Variants in NPAS3 observed in about 807,000 individuals in gnomAD.
The protein encoded by NPAS3 is neuronal PAS domain-containing protein 3.
Under a neutral mutation model 73.1 loss-of-function variants are expected in NPAS3, and 14 were observed. The ratio of observed to expected loss-of-function variants is 0.19; its 90% confidence interval spans 0.13 to 0.30. NPAS3 has a LOEUF of 0.30. Among genes scored for constraint, NPAS3 ranks in the 10% least tolerant of loss-of-function variants. NPAS3 has a pLI of 1.00. For synonymous variants in NPAS3, 620 were observed against 541.5 expected, an observed-to-expected ratio of 1.14 and a Z score of -2.01; for missense variants, 1,096 against 1,250.0, an observed-to-expected ratio of 0.88 and a Z score of 1.86.
At chr14:33,542,551 C>T (rs1432900457) in intron 4 of NPAS3, among the ~76,000 whole-genome samples, 1 of 152,096 alleles carries the variant, frequency 6.6e-6, no homozygotes, top group Non-Finnish European at 1.5e-5. Flanking sequence ...TTTCAGTTCC[C>T]TTTTGAGCCC....
chr14:33,281,164 C>T (rs570686109), intron 3 of NPAS3, among the ~76,000 whole-genome samples: 15 of 152,114 alleles, frequency 9.9e-5, no homozygotes, highest in Non-Finnish European at 1.0e-4. Flanking sequence ...TTCTACACTA[C>T]GTAGGACCTT....
At chr14:32,944,186 C>T (rs2036154959) in intron 1 of NPAS3, among the ~76,000 whole-genome samples, 1 of 152,184 alleles carries the variant, frequency 6.6e-6, no homozygotes, top group Non-Finnish European at 1.5e-5. Context: ...AATTAACACT[C>T]ATGAAAGCAG....
At chr14:33,495,149 G>T (rs146829309) in intron 4 of NPAS3, among the ~76,000 whole-genome samples, 1 of 152,100 alleles carries the variant, frequency 6.6e-6, no homozygotes, top group Admixed American at 6.6e-5. Flanking sequence ...TGCTTTAGCT[G>T]TATCCCAGAG....
chr14:33,201,315 G>GTGTGTGTGTGTGTGTGTGTGTGTT (rs2046607635), intron 2 of NPAS3, among the ~76,000 whole-genome samples: 1 of 152,112 alleles, frequency 6.6e-6, no homozygotes, highest in Non-Finnish European at 1.5e-5. Context: ...GTGTGTGTGT[G>GTGTGTGTGTGTGTGTGTGTGTGTT]TATGTTTGAA....
chr14:33,180,411 GTTTT>G, intron 2 of NPAS3, among the ~76,000 whole-genome samples: 1 of 152,130 alleles, frequency 6.6e-6, no homozygotes, highest in East Asian at 1.9e-4. Flanking sequence ...CGAGATTTGC[GTTTT>G]TTATTAGCAA....
chr14:33,135,258 C>CT (rs1283484631), intron 2 of NPAS3, among the ~76,000 whole-genome samples: 5 of 152,094 alleles, frequency 3.3e-5, no homozygotes, highest in Admixed American at 3.3e-4. Context: ...TAAATTCGGA[C>CT]AAACCAATGT....
chr14:33,437,458 A>C (rs1443133879), intron 4 of NPAS3, among the ~76,000 whole-genome samples: 1 of 152,190 alleles, frequency 6.6e-6, no homozygotes. Context: ...CTGAGCTTTT[A>C]TCCACTTAAT....
At chr14:33,466,000 G>A (rs539021487) in intron 4 of NPAS3, among the ~76,000 whole-genome samples, 2 of 152,282 alleles carry the variant, frequency 1.3e-5, no homozygotes, top group Admixed American at 1.3e-4. Context: ...CTGGAAGAAT[G>A]GATGAAATCA....
chr14:33,436,047 C>T (rs1338161256), intron 4 of NPAS3, among the ~76,000 whole-genome samples: 1 of 152,158 alleles, frequency 6.6e-6, no homozygotes, highest in African/African-American at 2.4e-5. Context: ...GAGTCAGGCA[C>T]ATTTCTAAGA....
At chr14:33,365,018 G>A (rs1266457232) in intron 3 of NPAS3, among the ~76,000 whole-genome samples, 4 of 145,230 alleles carry the variant, frequency 2.8e-5, no homozygotes, top group Admixed American at 2.7e-4. Context: ...GAGGGGGGAG[G>A]GGACGTGCAG....
chr14:32,990,222 A>G (rs1042322462), intron 1 of NPAS3, among the ~76,000 whole-genome samples: 8 of 152,206 alleles, frequency 5.3e-5, no homozygotes, highest in African/African-American at 1.7e-4. Context: ...AGAATATGAA[A>G]ATAATGGAAT....
intron 1 of NPAS3, among the ~76,000 whole-genome samples, chr14:33,051,071 G>A (rs1036009704): frequency 6.0e-5 from 9 of 151,196 alleles, no homozygotes; most frequent in African/African-American, 2.0e-4. Flanking sequence ...TCAGGAGATC[G>A]AGACCATCCT....
chr14:33,536,541 T>TG (rs937906575), intron 4 of NPAS3, among the ~76,000 whole-genome samples: 9 of 152,172 alleles, frequency 5.9e-5, no homozygotes, highest in Non-Finnish European at 1.0e-4. Context: ...ACTTGATGCA[T>TG]GGGCTTTAGC....
chr14:33,741,239 G>C (rs754439683), intron 7 of NPAS3, among the ~76,000 whole-genome samples: 1 of 152,176 alleles, frequency 6.6e-6, no homozygotes, highest in Non-Finnish European at 1.5e-5. Context: ...CTTCAGCTTT[G>C]TGTTGTCGTG....
intron 3 of NPAS3, among the ~76,000 whole-genome samples, chr14:33,225,543 C>G (rs10220486): frequency 0.28 from 42,052 of 152,086 alleles, 6,548 homozygotes; most frequent in South Asian, 0.46. Context: ...CTGCTCAGCC[C>G]TACTTTTATA....
intron 3 of NPAS3, among the ~76,000 whole-genome samples, chr14:33,219,385 G>A (rs1329980814): frequency 6.6e-6 from 1 of 152,194 alleles, no homozygotes; most frequent in Non-Finnish European, 1.5e-5. Flanking sequence ...TACCATTGCA[G>A]TCATAAGTTT....
intron 2 of NPAS3, among the ~76,000 whole-genome samples, chr14:33,155,683 A>C (rs2044620488): frequency 6.6e-6 from 1 of 152,200 alleles, no homozygotes; most frequent in South Asian, 2.1e-4. Context: ...TCCCTTTGCC[A>C]AAGTTCACCG....
intron 3 of NPAS3, among the ~76,000 whole-genome samples, chr14:33,225,386 T>C (rs767517057): frequency 2.0e-5 from 3 of 152,208 alleles, no homozygotes; most frequent in Non-Finnish European, 4.4e-5. Context: ...CTTCCAGTCT[T>C]GGTCAAAGAG....
chr14:33,632,670 C>T (rs921543165), intron 5 of NPAS3, among the ~76,000 whole-genome samples: 2 of 152,158 alleles, frequency 1.3e-5, no homozygotes, highest in African/African-American at 4.8e-5. Context: ...AGAGGTGCTG[C>T]TTTACCTGTA....
Sources: allele counts gnomAD v4.1 joint callset (sites outside exome capture counted in the v4.1 genomes callset), GRCh38; gene constraint gnomAD v4.1.1; transcripts MANE v1.5; gene names NCBI Gene and HGNC (gene_info 2026-07-23, HGNC 2026-07-21).